Variants in NUP62CL observed in about 807,000 individuals in gnomAD.
NUP62CL encodes the protein nucleoporin 62 C-terminal like.
NUP62CL carries 13 observed loss-of-function variants against 15.3 expected under a neutral mutation model. The observed-to-expected ratio is 0.85, with a 90% CI of 0.55 to 1.35. The LOEUF is 1.35. NUP62CL is among the 40% of genes most tolerant of loss of function. The pLI, the probability that NUP62CL is intolerant of heterozygous loss-of-function variation, is 0.00. For synonymous variants in NUP62CL, 54 were observed against 49.2 expected (o/e 1.10, Z -0.41); for missense variants, 123 against 130.6 (o/e 0.94, Z 0.28).
In NUP62CL at chrX:107,154,206, C is replaced by T. The variant is rs1926118941; in HGVS notation, c.235G>A (p.Gly79Ser). 1 of 1,202,965 alleles carries T rather than the reference C, an allele frequency of 8.3e-7. No individual in the cohort carries two copies. Among genetic ancestry groups the T allele is most frequent in the Admixed American group, 2.2e-5 (1 of 45,250 alleles). ...TPVMTYGHLE[G>S]LINEWNLELE... The stretch of plus-strand genomic sequence containing the variant: ...TCAAGGTTCCACTCATTTATAAGAC[C>T]CTCCAGATGACCATATGTCATCACA... Residue 79 changes from glycine (G) to serine (S), a missense_variant, in exon 5 of 9, where the codon GGT (glycine) becomes AGT (serine). Transcript: ENST00000372466.
chrX:107,160,542 A>C (rs1294833985), intron 4 of NUP62CL, among the ~76,000 whole-genome samples: 1 of 111,268 alleles, frequency 9.0e-6, no homozygotes, highest in Non-Finnish European at 1.9e-5. Flanking sequence ...AGGATTTCCT[A>C]TTTAATAAAT....
At chrX:107,149,939 A>G (rs1054726491) in intron 7 of NUP62CL, among the ~76,000 whole-genome samples, 25 of 111,791 alleles carry the variant, frequency 2.2e-4, no homozygotes, top group African/African-American at 8.1e-4. Context: ...AAAAAAAACA[A>G]TTCTTTCTTA....
chrX:107,134,952 C>T (rs552118916), intron 8 of NUP62CL, among the ~76,000 whole-genome samples: 5 of 111,418 alleles, frequency 4.5e-5, no homozygotes, highest in African/African-American at 6.5e-5. Context: ...CTTGGCTCAC[C>T]GCAACCTCTG....
At chrX:107,164,441 A>C (rs998820577) in intron 4 of NUP62CL, among the ~76,000 whole-genome samples, 1 of 111,202 alleles carries the variant, frequency 9.0e-6, no homozygotes, top group Non-Finnish European at 1.9e-5. Context: ...TCAACGAACT[A>C]GAAAAAGAGC....
At chrX:107,129,688 C>G (rs917756627) in intron 8 of NUP62CL, among the ~76,000 whole-genome samples, 2 of 111,731 alleles carry the variant, frequency 1.8e-5, no homozygotes, top group Non-Finnish European at 3.8e-5. Context: ...CAAGCCCCAC[C>G]TACAAAACTT....
intron 2 of NUP62CL, among the ~76,000 whole-genome samples, chrX:107,180,141 T>C (rs111981195): frequency 0.031 from 3,516 of 112,092 alleles, 148 homozygotes; most frequent in African/African-American, 0.11. Context: ...AGTCAAAAAC[T>C]AAACACACTC....
intron 4 of NUP62CL, among the ~76,000 whole-genome samples, chrX:107,165,009 G>A (rs1926479806): frequency 8.9e-6 from 1 of 112,634 alleles, no homozygotes; most frequent in African/African-American, 3.2e-5. Flanking sequence ...GCTGAGGCAG[G>A]AGAATGGCGT....
At chrX:107,154,015 C>T (rs1359696766) in intron 5 of NUP62CL, 81 bp downstream of exon 5, 2 of 938,001 alleles carry the variant, frequency 2.1e-6, no homozygotes, top group East Asian at 6.5e-5. Context: ...CAAAGAAAAC[C>T]ACAAAACACA....
At chrX:107,186,739 A>T (rs1052987294) in intron 2 of NUP62CL, among the ~76,000 whole-genome samples, 1 of 111,321 alleles carries the variant, frequency 9.0e-6, no homozygotes, top group Non-Finnish European at 1.9e-5. Context: ...CTCTACTAAA[A>T]ATACAAAAGT....
At chrX:107,165,315 A>G (rs1926491785) in intron 4 of NUP62CL, among the ~76,000 whole-genome samples, 1 of 109,434 alleles carries the variant, frequency 9.1e-6, no homozygotes, top group Non-Finnish European at 1.9e-5. Flanking sequence ...AAAAAAAAAA[A>G]TAATAATAAT....
chrX:107,170,623 A>C (rs906525684), intron 3 of NUP62CL, among the ~76,000 whole-genome samples: 55 of 110,914 alleles, frequency 5.0e-4, no homozygotes, highest in African/African-American at 1.7e-3. Context: ...TGTGTTAGCC[A>C]GGATGGTCTT....
chrX:107,152,306 A>C (rs1368196918), intron 7 of NUP62CL, among the ~76,000 whole-genome samples: 2 of 105,788 alleles, frequency 1.9e-5, no homozygotes, highest in Non-Finnish European at 3.9e-5. Context: ...GTTTCAAAAA[A>C]ATGATAGAAT....
chrX:107,156,461 G>A (rs1425989262), intron 4 of NUP62CL, among the ~76,000 whole-genome samples: 1 of 106,459 alleles, frequency 9.4e-6, no homozygotes, highest in Non-Finnish European at 1.9e-5. Flanking sequence ...TCCTCAAGTG[G>A]GTCCCTGACC....
chrX:107,169,849 A>G (rs1271290360), intron 3 of NUP62CL, among the ~76,000 whole-genome samples: 1 of 111,540 alleles, frequency 9.0e-6, no homozygotes, highest in East Asian at 2.8e-4. Context: ...GTAAAGGAGA[A>G]TATCTTCACC....
chrX:107,153,106 G>C (rs1926085059), intron 7 of NUP62CL, 66 bp downstream of exon 7: 1 of 1,058,378 alleles, frequency 9.4e-7, no homozygotes, highest in African/African-American at 2.0e-5. Context: ...TTTCCCCTCT[G>C]TTCCTGGAAT....
intron 4 of NUP62CL, among the ~76,000 whole-genome samples, chrX:107,163,612 C>A (rs1363918792): frequency 8.9e-5 from 10 of 111,772 alleles, no homozygotes; most frequent in Admixed American, 5.7e-4. Context: ...ATAAGAAATT[C>A]ACTTCAAATA....
Position 107,153,532 on chromosome X carries a change from A to G in NUP62CL, c.346-29T>C, listed in dbSNP as rs191534873. 2,494 of 907,684 alleles carry G rather than the reference A, an allele frequency of 2.7e-3. 6 individuals carry two copies. Among genetic ancestry groups the G allele is most frequent in the Non-Finnish European group, 3.5e-3 (2,309 of 655,024 alleles). The allele number at this position is 907,684 out of a possible 1,213,427, so 74.8% of individuals were successfully genotyped here. On this transcript the variant is annotated intron_variant, in intron 5 of 8. Transcript: ENST00000372466. The stretch of plus-strand genomic sequence containing the variant: ...TAAAGAGAAATATGAATACAACAAT[A>G]TAAGTATTTGAATTTATATAACAAT...
rs1191861343 is a variant in NUP62CL at position 107,153,506 on chromosome X, A to G, written c.346-3T>C. ...ACTTCTCCATGTAAAATACGAATCT[A>G]TAAAGAGAAATATGAATACAACAAT... On this transcript the variant is annotated splice_region_variant and splice_polypyrimidine_tract_variant and intron_variant, in intron 5 of 8. Transcript: ENST00000372466. The G allele has an allele frequency of 1.9e-6, 2 of 1,060,733 alleles. No individual in the cohort carries two copies. Among genetic ancestry groups the G allele is most frequent in the East Asian group, 3.0e-5 (1 of 33,067 alleles). The allele number at this position is 1,060,733 out of a possible 1,213,427, so 87.4% of individuals were successfully genotyped here.
At chrX:107,192,094 A>C in intron 2 of NUP62CL, among the ~76,000 whole-genome samples, 1 of 112,197 alleles carries the variant, frequency 8.9e-6, no homozygotes, top group Admixed American at 9.4e-5. Flanking sequence ...GATTTACCTA[A>C]AAAGGCATGA....
Sources: gnomAD v4.1 joint callset for allele counts (sites outside exome capture counted in the v4.1 genomes callset) on GRCh38, gnomAD v4.1.1 for gene constraint, MANE v1.5 for transcripts, NCBI Gene and HGNC (gene_info 2026-07-23, HGNC 2026-07-21) for gene names.